MAD2L2: variants seen among roughly 807,000 people sequenced by gnomAD.
The protein encoded by MAD2L2 is mitotic spindle assembly checkpoint protein MAD2B.
A neutral mutation model predicts 30.5 loss-of-function variants in MAD2L2; 17 were observed. The ratio of observed to expected loss-of-function variants is 0.56; its 90% CI spans 0.38 to 0.84. The LOEUF (loss-of-function observed/expected upper bound fraction) is 0.84, where lower values mean the gene tolerates loss of function less well. Among genes scored for constraint, MAD2L2 ranks in the 40% least tolerant of loss-of-function variants. The probability of loss-of-function intolerance (pLI) is 0.00; values close to 1 mark genes in which losing one functional copy is unlikely to be tolerated. For missense variants in MAD2L2, 213 were observed against 277.4 expected (o/e 0.77, Z 1.65); for synonymous variants, 101 against 113.9 (o/e 0.89, Z 0.72).
chr1:11,674,771 C>A lies in MAD2L2; in HGVS notation c.*4G>T. On this transcript the variant is annotated 3_prime_UTR_variant, in exon 9 of 9. Transcript: ENST00000376692. This position sits in a 1 kb window ranked among gnomAD's most constrained non-coding sequence, Gnocchi z 6.1. ...TGGGCATCAGTGGGGTGGCAGGTGC[C>A]CCCTCAGCTGCCTTTATGAGCGCGC... The A allele has an allele frequency of 1.2e-6, 2 of 1,613,514 alleles. No homozygotes were observed. Among genetic ancestry groups the A allele is most frequent in the Non-Finnish European group, 1.7e-6 (2 of 1,179,854 alleles).
chr1:11,686,829 A>AC (rs989119417), intron 1 of MAD2L2, among the ~76,000 whole-genome samples: 3 of 151,780 alleles, frequency 2.0e-5, no homozygotes, highest in African/African-American at 7.3e-5. Context: ...AAAAAAAAAA[A>AC]AACTTCTCTG....
At chr1:11,675,011 G>C in intron 8 of MAD2L2, 71 bp downstream of exon 8, 2 of 1,377,648 alleles carry the variant, frequency 1.5e-6, no homozygotes, top group East Asian at 2.3e-5. Flanking sequence ...CCTCTAGTAA[G>C]GCCTCAGCAC....
At position 11,689,090 on chromosome 1, in the gene MAD2L2, G is replaced by A. The variant is rs1224315531; in HGVS notation, c.-692+2323C>T. Among the ~76,000 whole-genome samples the A allele has an allele frequency of 2.6e-5, 4 of 152,162 alleles. No homozygotes were observed. The East Asian group carries it at 7.7e-4, about 29-fold the overall frequency. On this transcript the variant is annotated intron_variant, in intron 1 of 10. Transcript: ENST00000235310. ...GCAGGCAGATTGCCTGGGGTCAGGA[G>A]TTCGAGACCCGCCTGGGCAACATGG... is the stretch of plus-strand genomic sequence containing the variant.
chr1:11,680,789 G>C, intron 1 of MAD2L2, 176 bp from the exon 2 acceptor site: 2 of 1,343,570 alleles, frequency 1.5e-6, no homozygotes, highest in Non-Finnish European at 1.9e-6. Context: ...GTCCGTGCTT[G>C]GGGGCATCAG....
chr1:11,691,708 C>T (rs894870541), upstream of MAD2L2: 1 of 141,524 alleles, frequency 7.1e-6, no homozygotes, highest in Non-Finnish European at 1.5e-5. Context: ...CCCCTTCCTT[C>T]CAGTCCCGCT....
Position 11,687,934 on chromosome 1 carries a change from C to T in MAD2L2, c.-692+3479G>A, listed in dbSNP as rs1570296795. On this transcript the variant is annotated intron_variant, in intron 1 of 10. Transcript: ENST00000235310. This position sits in a 1 kb window ranked among gnomAD's most constrained non-coding sequence, Gnocchi z 4.1. ...CATTTTACAGACAAGGAAACTGAGG[C>T]CCTAAAGTCATCATAAACTGGATGG... Among the ~76,000 whole-genome samples, 1 of 152,174 alleles carries T rather than the reference C, an allele frequency of 6.6e-6. No individual in the cohort carries two copies. Among genetic ancestry groups the T allele is most frequent in the Non-Finnish European group, 1.5e-5 (1 of 68,030 alleles).
Position 11,681,021 on chromosome 1 carries a change from TC to T in MAD2L2, c.-13+17del, listed in dbSNP as rs2100713412. 6.7e-6 allele frequency: 1 copy of T among 148,650 alleles called. No individual in the cohort carries two copies. The highest frequency in any genetic ancestry group is 2.6e-5 in the African/African-American group (1 of 39,040). The allele number at this position is 148,650 out of a possible 1,614,324, so 9.2% of individuals were successfully genotyped here. ...CCCTCCCGGCGGGAATCCCGCCCCC[TC>T]TCCCCTCCCCCAGTACCGGCTCTGC... On this transcript the variant is annotated intron_variant, in intron 1 of 8. Coordinates refer to ENST00000376692, the MANE Select transcript of MAD2L2 (RefSeq NM_006341.4).
chr1:11,676,755 A>G (rs1005950724), intron 5 of MAD2L2, 93 bp downstream of exon 5: 1 of 959,022 alleles, frequency 1.0e-6, no homozygotes, highest in Non-Finnish European at 1.7e-6. Flanking sequence ...CCAGGCCTTT[A>G]CCAAGGTATT....
rs1640993309 is a variant in MAD2L2, at chr1:11,688,118, A to G, written c.-692+3295T>C. Among the ~76,000 whole-genome samples the G allele has an allele frequency of 6.6e-6, 1 of 152,166 alleles. No individual in the cohort carries two copies. Among genetic ancestry groups the G allele is most frequent in the African/African-American group, 2.4e-5 (1 of 41,450 alleles). ...TCCTGGCTCATGAATACTGGCCCAC[A>G]GCTCTATCCTTGGCGACGCAAATCA... On this transcript the variant is annotated intron_variant, in intron 1 of 10. Transcript: ENST00000235310. The surrounding 1 kb of genome is among the most constrained non-coding windows in gnomAD (Gnocchi z 4.6).
Position 11,675,178 on chromosome 1 carries a change from G to A in MAD2L2, c.502-4C>T, listed in dbSNP as rs769098201. The A allele has an allele frequency of 8.2e-6, 13 of 1,586,140 alleles. No homozygotes were observed. In the South Asian group the frequency reaches 1.3e-4, roughly 15 times the overall value. ...CCGCCAGGATCCAGGGGAAATCCTA[G>A]GGAGGAGACAAAGGTCAGGGGGGTG... On this transcript the variant is annotated splice_region_variant and splice_polypyrimidine_tract_variant and intron_variant, in intron 7 of 8. Transcript: ENST00000376692.
chr1:11,691,494 C>G (rs370545018), exon 1 of MAD2L2: 6 of 152,300 alleles, frequency 3.9e-5, no homozygotes, highest in African/African-American at 1.4e-4. Context: ...TTGTCTGCCC[C>G]GCGCCCTCGC....
chr1:11,685,760 C>G (rs1640945852), upstream of MAD2L2, among the ~76,000 whole-genome samples: 1 of 152,012 alleles, frequency 6.6e-6, no homozygotes. Context: ...ACTTCGAGAC[C>G]AGCCTGGGCA....
chr1:11,677,097 T>C (rs1479812739), intron 4 of MAD2L2, 149 bp from the exon 5 acceptor site: 2 of 688,816 alleles, frequency 2.9e-6, no homozygotes, highest in Admixed American at 2.6e-5. Context: ...AGAGGCCAGA[T>C]AGCGAGTTTG....
intron 5 of MAD2L2, among the ~76,000 whole-genome samples, chr1:11,676,363 T>C (rs1249227372): frequency 6.6e-6 from 1 of 151,312 alleles, no homozygotes; most frequent in African/African-American, 2.4e-5. Flanking sequence ...CGGCGGGGGG[T>C]AGGGGACAGG....
intron 5 of MAD2L2, 110 bp downstream of exon 5, chr1:11,676,738 T>C: frequency 1.2e-6 from 1 of 818,894 alleles, no homozygotes. Flanking sequence ...TCTTGCCCTT[T>C]CTCCTCCCAG....
In MAD2L2 at chr1:11,675,072, C is replaced by T. The variant is rs1260410848; in HGVS notation, c.594+10G>A. 2.4e-5 allele frequency: 38 copies of T among 1,571,738 alleles called. No individual in the cohort carries two copies. The highest frequency in any genetic ancestry group is 4.5e-5 in the East Asian group (2 of 44,400). ...CTAAATAAAGCTTCCCGGGTCCCCA[C>T]GAAGCTCACCTTTAAAATGTCCGAC... On this transcript the variant is annotated intron_variant, in intron 8 of 8. Transcript: ENST00000376692.
chr1:11,691,723 C>T (rs548740807), upstream of MAD2L2: 3,049 of 150,086 alleles, frequency 0.02, 99 homozygotes, highest in African/African-American at 0.07. Flanking sequence ...CCCGCTCAGC[C>T]CGGGCACATC....
At chr1:11,682,820 G>A (rs1001885120), upstream of MAD2L2, among the ~76,000 whole-genome samples, 1 of 152,132 alleles carries the variant, frequency 6.6e-6, no homozygotes, top group African/African-American at 2.4e-5. Flanking sequence ...CCAAAGGGAT[G>A]GATGATTTTG....
In MAD2L2 at chr1:11,687,263, G is replaced by A. The variant is rs1233111046; in HGVS notation, c.-692+4150C>T. Among the ~76,000 whole-genome samples, 4 of 151,836 alleles carry A rather than the reference G, an allele frequency of 2.6e-5. No individual in the cohort carries two copies. The highest frequency in any genetic ancestry group is 5.9e-5 in the Non-Finnish European group (4 of 67,966). ...ATTTCATTTATTTCTTTTTTGAGAC[G>A]GAGTCTCTCTCTGCCACCCAGGCTG... On this transcript the variant is annotated intron_variant, in intron 1 of 10. Coordinates refer to the MAD2L2 transcript ENST00000235310. The surrounding 1 kb of genome is among the most constrained non-coding windows in gnomAD (Gnocchi z 4.1).
Sources: gnomAD v4.1 joint callset for allele counts (sites outside exome capture counted in the v4.1 genomes callset) on GRCh38, gnomAD v4.1.1 for gene constraint, Gnocchi (gnomAD v3.1) non-coding constraint, MANE v1.5 for transcripts, NCBI Gene and HGNC (gene_info 2026-07-23, HGNC 2026-07-21) for gene names.